Variants in COBL observed in about 807,000 individuals in gnomAD.
COBL encodes protein cordon-bleu.
Under a neutral mutation model 98.8 loss-of-function variants are expected in COBL, and 51 were observed. That is an observed-to-expected ratio of 0.52 (90% CI 0.41 to 0.65). COBL has a LOEUF of 0.65. Ranked by LOEUF, COBL falls within the 30% of genes least tolerant of loss-of-function variation. The pLI is 0.00. For missense variants in COBL, 1,617 were observed against 1,617.5 expected (o/e 1.00, Z 0.01); for synonymous variants, 634 against 651.7 (o/e 0.97, Z 0.41).
intron 6 of COBL, among the ~76,000 whole-genome samples, chr7:51,130,596 T>C: frequency 6.6e-6 from 1 of 152,224 alleles, no homozygotes; most frequent in East Asian, 1.9e-4. Context: ...TGGCATCCAT[T>C]GGCCAAGTGG....
chr7:51,024,133 C>A (rs1180560979), intron 12 of COBL, among the ~76,000 whole-genome samples: 1 of 152,026 alleles, frequency 6.6e-6, no homozygotes, highest in Non-Finnish European at 1.5e-5. Flanking sequence ...CACAGTGAAA[C>A]TCCATCTCGA....
At chr7:51,058,412 G>A (rs1333857514) in intron 7 of COBL, among the ~76,000 whole-genome samples, 1 of 152,114 alleles carries the variant, frequency 6.6e-6, no homozygotes, top group Non-Finnish European at 1.5e-5. Flanking sequence ...AATTATCCAG[G>A]CATGGTAGAG....
At chr7:51,266,864 G>A (rs1798263368) in intron 1 of COBL, among the ~76,000 whole-genome samples, 1 of 152,062 alleles carries the variant, frequency 6.6e-6, no homozygotes, top group Non-Finnish European at 1.5e-5. Context: ...CCCTTGGGAG[G>A]AGTCCCAAGG....
intron 6 of COBL, among the ~76,000 whole-genome samples, chr7:51,134,462 C>A (rs1413372002): frequency 6.6e-6 from 1 of 152,192 alleles, no homozygotes; most frequent in Non-Finnish European, 1.5e-5. Context: ...CTCAAGCAGG[C>A]TTTATCCACT....
chr7:51,043,536 G>C lies in COBL; in HGVS notation c.1253C>G (p.Ser418Cys). ...GVMSSPSDIV[S>C]LDSQQDSMKY... The stretch of plus-strand genomic sequence containing the variant: ...CATGCTGTCCTGCTGCGAGTCCAGA[G>C]AGACGATGTCTGAGGGGGAACTCAT... Residue 418 changes from serine (S) to cysteine (C), a missense_variant, in exon 8 of 13, where the codon TCT becomes TGT. Ser to Cys is a moderately radical substitution (Grantham distance 112). Coordinates refer to ENST00000265136, the MANE Select transcript of COBL (RefSeq NM_015198.5). 6.2e-7 allele frequency: 1 copy of C among 1,614,258 alleles called. No homozygotes were observed. Among genetic ancestry groups the C allele is most frequent in the Non-Finnish European group, 8.5e-7 (1 of 1,180,056 alleles).
chr7:51,204,632 C>T (rs1285386026), intron 2 of COBL, among the ~76,000 whole-genome samples: 3 of 149,706 alleles, frequency 2.0e-5, no homozygotes, highest in East Asian at 2.0e-4. Flanking sequence ...CTCACTGCAA[C>T]CTCCGCCTCC....
At chr7:51,073,916 A>G (rs1397390338) in intron 7 of COBL, among the ~76,000 whole-genome samples, 1 of 152,166 alleles carries the variant, frequency 6.6e-6, no homozygotes, top group East Asian at 1.9e-4. Flanking sequence ...TTGGAGATGG[A>G]TATCAACTCC....
chr7:51,219,713 C>G, intron 2 of COBL, 28 bp downstream of exon 2: 1 of 1,605,758 alleles, frequency 6.2e-7, no homozygotes, highest in Non-Finnish European at 8.5e-7. Flanking sequence ...GTGAGTACAG[C>G]GACTCCTCCT....
At chr7:51,040,493 A>G (rs1009004595) in intron 8 of COBL, among the ~76,000 whole-genome samples, 1 of 152,208 alleles carries the variant, frequency 6.6e-6, no homozygotes, top group African/African-American at 2.4e-5. Flanking sequence ...AGTTCTGACA[A>G]TGGGTACTAC....
intron 1 of COBL, among the ~76,000 whole-genome samples, chr7:51,311,421 T>C (rs117213962): frequency 1.8e-3 from 271 of 152,356 alleles, no homozygotes; most frequent in Non-Finnish European, 2.8e-3. Context: ...CCATTGTCTA[T>C]TGTCGCACCA....
intron 1 of COBL, among the ~76,000 whole-genome samples, chr7:51,245,898 A>C (rs968690103): frequency 3.9e-5 from 6 of 152,368 alleles, no homozygotes; most frequent in Middle Eastern, 3.4e-3. Flanking sequence ...TAAGGGACAA[A>C]TCCTGCCTGC....
chr7:51,253,213 G>A (rs773057114), intron 1 of COBL, among the ~76,000 whole-genome samples: 45 of 152,008 alleles, frequency 3.0e-4, no homozygotes, highest in Non-Finnish European at 2.9e-4. Context: ...AACAGACTCC[G>A]TCTCAAAAAA....
At chr7:51,069,976 T>A (rs1239789254) in intron 7 of COBL, among the ~76,000 whole-genome samples, 1 of 152,182 alleles carries the variant, frequency 6.6e-6, no homozygotes, top group Non-Finnish European at 1.5e-5. Flanking sequence ...GGTTTCTTTT[T>A]CCCTTTACTG....
Position 51,081,554 on chromosome 7 carries a change from C to T in COBL, c.1096+3612G>A, listed in dbSNP as rs148661714. Among the ~76,000 whole-genome samples, 76 of 152,270 alleles carry T rather than the reference C, an allele frequency of 5.0e-4. No homozygotes were observed. In the East Asian group the frequency reaches 8.5e-3, roughly 17 times the overall value. On this transcript the variant is annotated intron_variant, in intron 7 of 12. Transcript: ENST00000265136. Reference sequence around the variant, plus strand: ...GTACCCCTCCCACATCTTGTCTGCCCGTTGCCCCAGCAGATGCTGCACCTG... The same window carrying T: ...GTACCCCTCCCACATCTTGTCTGCCTGTTGCCCCAGCAGATGCTGCACCTG...
At chr7:51,197,780 C>A (rs1790731945) in intron 2 of COBL, among the ~76,000 whole-genome samples, 1 of 152,080 alleles carries the variant, frequency 6.6e-6, no homozygotes, top group African/African-American at 2.4e-5. Context: ...CCTTCTTTGT[C>A]TTTTTTTATC....
chr7:51,069,040 T>C (rs905578439), intron 7 of COBL, among the ~76,000 whole-genome samples: 2 of 152,118 alleles, frequency 1.3e-5, no homozygotes, highest in Admixed American at 6.5e-5. Context: ...TCCTCACTAA[T>C]ATGACAATGA....
intron 5 of COBL, among the ~76,000 whole-genome samples, chr7:51,163,816 G>C (rs1021225897): frequency 3.9e-5 from 6 of 152,104 alleles, no homozygotes; most frequent in African/African-American, 1.2e-4. Context: ...CCTTACACAT[G>C]AATCATTTTA....
chr7:51,072,696 A>G (rs1792685241), intron 7 of COBL: 1 of 152,242 alleles, frequency 6.6e-6, no homozygotes, highest in African/African-American at 2.4e-5. Context: ...GAACAGAATA[A>G]TGAAGAGAAT....
chr7:51,248,530 G>A (rs538980761), intron 1 of COBL, among the ~76,000 whole-genome samples: 6 of 152,154 alleles, frequency 3.9e-5, no homozygotes, highest in African/African-American at 1.4e-4. Flanking sequence ...GGAGGATAGG[G>A]GTCTAAAAAT....
Sources: allele counts gnomAD v4.1 joint callset (sites outside exome capture counted in the v4.1 genomes callset), GRCh38; gene constraint gnomAD v4.1.1; transcripts MANE v1.5; gene names NCBI Gene and HGNC (gene_info 2026-07-23, HGNC 2026-07-21).